The following PHKB variants were observed in gnomAD, a reference collection of about 807,000 sequenced individuals.
PHKB encodes the protein phosphorylase b kinase regulatory subunit beta.
In PHKB, 122 loss-of-function variants were observed where a neutral mutation model predicts 152.1. The observed-to-expected ratio is 0.80, with a 90% CI of 0.69 to 0.93. The LOEUF (loss-of-function observed/expected upper bound fraction) is 0.93. Among genes scored for constraint, PHKB ranks in the 40% least tolerant of loss-of-function variants. PHKB has a pLI of 0.00. For missense variants in PHKB, 1,304 were observed against 1,328.4 expected (o/e 0.98, Z 0.29); for synonymous variants, 436 against 464.9 (o/e 0.94, Z 0.80).
At chr16:47,551,216 A>G (rs796888889) in intron 7 of PHKB, among the ~76,000 whole-genome samples, 1 of 151,732 alleles carries the variant, frequency 6.6e-6, no homozygotes, top group Non-Finnish European at 1.5e-5. Context: ...TATCTCCTTC[A>G]GTTCTGCTCT....
chr16:47,695,825 C>T (rs1974137183), intron 28 of PHKB, among the ~76,000 whole-genome samples: 1 of 152,182 alleles, frequency 6.6e-6, no homozygotes, highest in East Asian at 1.9e-4. Flanking sequence ...TGGAAAACTA[C>T]ACAGTATTCT....
chr16:47,649,508 C>A (rs778291860), intron 18 of PHKB, among the ~76,000 whole-genome samples: 2 of 152,116 alleles, frequency 1.3e-5, no homozygotes, highest in Non-Finnish European at 2.9e-5. Flanking sequence ...CAGTTTATGT[C>A]TTTTTGAACA....
At chr16:47,502,952 C>A in intron 3 of PHKB, 39 bp from the exon 4 acceptor site, 1 of 1,287,524 alleles carries the variant, frequency 7.8e-7, no homozygotes, top group Non-Finnish European at 1.1e-6. Flanking sequence ...TTTTCAAATG[C>A]ATTTCCAATT....
chr16:47,636,227 G>C (rs780745283), intron 14 of PHKB, among the ~76,000 whole-genome samples: 1 of 152,238 alleles, frequency 6.6e-6, no homozygotes, highest in Admixed American at 6.5e-5. Context: ...TAGAACTTAA[G>C]AGAAAGGTCA....
intron 26 of PHKB, among the ~76,000 whole-genome samples, chr16:47,670,580 C>T (rs945981892): frequency 2.0e-5 from 3 of 152,270 alleles, no homozygotes; most frequent in Non-Finnish European, 4.4e-5. Flanking sequence ...ACTGCCGCCT[C>T]CCAGGTTCAA....
At chr16:47,560,770 C>G (rs1194531967) in intron 7 of PHKB, among the ~76,000 whole-genome samples, 1 of 152,066 alleles carries the variant, frequency 6.6e-6, no homozygotes, top group Non-Finnish European at 1.5e-5. Flanking sequence ...TGAAAGAGAT[C>G]AAAGACCTAT....
chr16:47,473,468 T>A (rs1272246728), intron 1 of PHKB, among the ~76,000 whole-genome samples: 1 of 152,138 alleles, frequency 6.6e-6, no homozygotes. Context: ...TTTTAAAAGA[T>A]GAAACAATTG....
intron 13 of PHKB, among the ~76,000 whole-genome samples, chr16:47,609,794 G>A (rs745866893): frequency 6.6e-6 from 1 of 152,040 alleles, no homozygotes; most frequent in Non-Finnish European, 1.5e-5. Context: ...AGTAATTTGA[G>A]TCTTCTTTCT....
chr16:47,613,604 A>G (rs1972465883), intron 14 of PHKB, among the ~76,000 whole-genome samples: 1 of 152,070 alleles, frequency 6.6e-6, no homozygotes, highest in Non-Finnish European at 1.5e-5. Context: ...CTTTTTCTCA[A>G]ATGTTTTCTG....
intron 26 of PHKB, among the ~76,000 whole-genome samples, chr16:47,679,648 A>T (rs1309046439): frequency 3.3e-5 from 5 of 152,222 alleles, no homozygotes; most frequent in Admixed American, 6.5e-5. Flanking sequence ...GAAGTTGCTT[A>T]TCAGCTTAAG....
At position 47,696,372 on chromosome 16, in the gene PHKB, T is replaced by A. The variant is rs1024548595; in HGVS notation, c.2896-9T>A. 6.7e-7 allele frequency: 1 copy of A among 1,482,210 alleles called. No individual in the cohort carries two copies. Among genetic ancestry groups the A allele is most frequent in the African/African-American group, 1.4e-5 (1 of 72,324 alleles). The allele number at this position is 1,482,210 out of a possible 1,614,324, so 91.8% of individuals were successfully genotyped here. ...GTTCAGCATGTTAATGTGGAGTTAT[T>A]TTTTTCAGCAACCAACCCTGTCAGA... On this transcript the variant is annotated splice_polypyrimidine_tract_variant and intron_variant, in intron 28 of 30. Coordinates refer to ENST00000323584, the MANE Select transcript of PHKB (RefSeq NM_000293.3).
intron 8 of PHKB, among the ~76,000 whole-genome samples, chr16:47,586,938 A>C (rs763424478): frequency 6.6e-6 from 1 of 152,010 alleles, no homozygotes; most frequent in Non-Finnish European, 1.5e-5. Flanking sequence ...GTGTGTGTGC[A>C]TATATACGTA....
At chr16:47,521,482 T>A (rs747172117) in intron 6 of PHKB, among the ~76,000 whole-genome samples, 1 of 152,162 alleles carries the variant, frequency 6.6e-6, no homozygotes, top group South Asian at 2.1e-4. Context: ...GATGAAACCC[T>A]GTCTCTACTG....
Position 47,699,639 on chromosome 16 carries a change from A to G in PHKB, c.*273A>G. The G allele has an allele frequency of 2.1e-6, 1 of 467,230 alleles. No individual in the cohort carries two copies. Among genetic ancestry groups the G allele is most frequent in the South Asian group, 2.2e-5 (1 of 44,746 alleles). 28.9% of individuals were successfully genotyped at this position (467,230 alleles called of 1,614,324 possible). The stretch of plus-strand genomic sequence containing the variant: ...GATAAAAATAGTTTATGAATTGAAA[A>G]TTTGCCGCTGCATGTTGTATGATCA... On this transcript the variant is annotated 3_prime_UTR_variant, in exon 31 of 31. Coordinates refer to ENST00000323584, the MANE Select transcript of PHKB (RefSeq NM_000293.3).
intron 28 of PHKB, among the ~76,000 whole-genome samples, chr16:47,694,736 C>G (rs1687330563): frequency 6.6e-6 from 1 of 152,178 alleles, no homozygotes; most frequent in Non-Finnish European, 1.5e-5. Context: ...AGAGCAGCGC[C>G]TCGTTGCTGG....
At chr16:47,464,231 A>G in intron 1 of PHKB, 1 of 532,660 alleles carries the variant, frequency 1.9e-6, no homozygotes, top group Non-Finnish European at 3.4e-6. Flanking sequence ...GATATTTGCA[A>G]GCAGAGGCAG....
intron 26 of PHKB, among the ~76,000 whole-genome samples, chr16:47,678,347 T>C (rs1371262023): frequency 6.6e-6 from 1 of 152,212 alleles, no homozygotes; most frequent in East Asian, 1.9e-4. Context: ...ATCGCCACAC[T>C]GACTTCCACA....
At chr16:47,610,680 T>C in intron 13 of PHKB, 146 bp from the exon 14 acceptor site, 3 of 675,782 alleles carry the variant, frequency 4.4e-6, no homozygotes, top group Non-Finnish European at 8.1e-6. Context: ...TGGCCTAGTA[T>C]GTGGTATATC....
intron 25 of PHKB, chr16:47,665,628 A>C (rs1349566146): frequency 2.6e-5 from 11 of 423,810 alleles, no homozygotes; most frequent in Non-Finnish European, 4.4e-5. Context: ...AATCCCTCCT[A>C]TACACCCTCC....
Sources: gnomAD v4.1 joint callset for allele counts (sites outside exome capture counted in the v4.1 genomes callset) on GRCh38, gnomAD v4.1.1 for gene constraint, MANE v1.5 for transcripts, NCBI Gene and HGNC (gene_info 2026-07-23, HGNC 2026-07-21) for gene names.